Variants in HDGFL3 observed in about 807,000 individuals in gnomAD.
HDGFL3 encodes the protein HDGF like 3.
A neutral mutation model predicts 27.6 loss-of-function variants in HDGFL3; 6 were observed. The observed-to-expected ratio is 0.22, with a 90% CI of 0.12 to 0.43. HDGFL3 has a LOEUF of 0.43. Ranked by LOEUF, HDGFL3 falls within the 20% of genes least tolerant of loss-of-function variation. The pLI is 1.00. For synonymous variants in HDGFL3, 88 were observed against 88.9 expected, an observed-to-expected ratio of 0.99 and a Z score of 0.05; for missense variants, 207 against 250.1, an observed-to-expected ratio of 0.83 and a Z score of 1.16.
chr15:83,118,347 T>C (rs1476297134), intron 3 of HDGFL3, among the ~76,000 whole-genome samples: 1 of 151,924 alleles, frequency 6.6e-6, no homozygotes, highest in African/African-American at 2.4e-5. Flanking sequence ...TCAGGCGAGT[T>C]GAAAGGACCT....
chr15:83,201,096 G>A (rs1424351057), intron 1 of HDGFL3, among the ~76,000 whole-genome samples: 3 of 151,724 alleles, frequency 2.0e-5, no homozygotes, highest in African/African-American at 7.3e-5. Flanking sequence ...TACACCATAT[G>A]AGCAAATTAT....
chr15:83,158,552 G>C (rs919562222), intron 2 of HDGFL3, among the ~76,000 whole-genome samples: 1 of 152,158 alleles, frequency 6.6e-6, no homozygotes, highest in Non-Finnish European at 1.5e-5. Context: ...AATGGAAAAT[G>C]AACAATTCAT....
At chr15:83,123,121 G>C (rs760197083), downstream of HDGFL3, among the ~76,000 whole-genome samples, 23 of 152,240 alleles carry the variant, frequency 1.5e-4, 1 homozygote, top group Non-Finnish European at 4.4e-5. Context: ...TCCTGTGCCA[G>C]TGGTCACACT....
chr15:83,125,815 A>T (rs1255928840), downstream of HDGFL3, among the ~76,000 whole-genome samples: 1 of 152,214 alleles, frequency 6.6e-6, no homozygotes, highest in Non-Finnish European at 1.5e-5. Flanking sequence ...GGCTGGGTTC[A>T]GGGTGAGAAG....
chr15:83,122,848 G>A (rs139290119), downstream of HDGFL3: 2,111 of 1,613,844 alleles, frequency 1.3e-3, 1 homozygote, highest in Middle Eastern at 3.8e-3. Flanking sequence ...TCTATAATCA[G>A]CCATCAGAAA....
intron 5 of HDGFL3, 34 bp downstream of exon 5, chr15:83,151,181 T>C (rs749535570): frequency 3.8e-6 from 6 of 1,590,426 alleles, no homozygotes; most frequent in Non-Finnish European, 5.1e-6. Flanking sequence ...TGTCTTCTAA[T>C]AGAAGGTAAG....
chr15:83,206,067 G>A (rs1311469480), intron 1 of HDGFL3, among the ~76,000 whole-genome samples: 1 of 152,174 alleles, frequency 6.6e-6, no homozygotes, highest in Non-Finnish European at 1.5e-5. Flanking sequence ...GCCTGAACCA[G>A]ACACCAGGTC....
At chr15:83,197,622 T>A (rs538430314) in intron 1 of HDGFL3, among the ~76,000 whole-genome samples, 21 of 152,288 alleles carry the variant, frequency 1.4e-4, no homozygotes, top group African/African-American at 5.1e-4. Context: ...AAGCTCATCA[T>A]CTTCAGTCAT....
intron 1 of HDGFL3, among the ~76,000 whole-genome samples, chr15:83,177,815 C>T (rs1480255967): frequency 6.6e-6 from 1 of 152,086 alleles, no homozygotes; most frequent in African/African-American, 2.4e-5. Flanking sequence ...TGGTTTGCTA[C>T]AACAATTTCA....
At chr15:83,151,851 A>G (rs1392418075) in intron 4 of HDGFL3, among the ~76,000 whole-genome samples, 3 of 152,222 alleles carry the variant, frequency 2.0e-5, no homozygotes, top group Non-Finnish European at 4.4e-5. Context: ...CTAATGGGAT[A>G]CCCAGAATCA....
At chr15:83,205,397 C>A (rs961052788) in intron 1 of HDGFL3, among the ~76,000 whole-genome samples, 1 of 152,032 alleles carries the variant, frequency 6.6e-6, no homozygotes. Context: ...CTTTCTTGTA[C>A]CTATTTTATC....
chr15:83,177,701 A>G (rs2037330499), intron 1 of HDGFL3, among the ~76,000 whole-genome samples: 1 of 152,140 alleles, frequency 6.6e-6, no homozygotes, highest in Non-Finnish European at 1.5e-5. Flanking sequence ...GTGTGTGTGT[A>G]TCTGCTTTTA....
At chr15:83,200,031 C>T (rs528023031) in intron 1 of HDGFL3, among the ~76,000 whole-genome samples, 4 of 125,010 alleles carry the variant, frequency 3.2e-5, no homozygotes, top group East Asian at 2.3e-4. Context: ...GGCGACAAAG[C>T]GAAACTCCAT....
intron 3 of HDGFL3, among the ~76,000 whole-genome samples, chr15:83,121,436 T>C (rs2035234385): frequency 6.6e-6 from 1 of 152,160 alleles, no homozygotes; most frequent in Non-Finnish European, 1.5e-5. Flanking sequence ...AGCAGCTCCT[T>C]TGCAACATGG....
chr15:83,189,807 T>C (rs772440987), intron 1 of HDGFL3, among the ~76,000 whole-genome samples: 19 of 152,302 alleles, frequency 1.2e-4, no homozygotes, highest in South Asian at 6.2e-4. Flanking sequence ...ACACTGATAA[T>C]TGCAAAGGTA....
exon 4 of HDGFL3, chr15:83,113,615 C>T (rs578030084): frequency 2.6e-4 from 39 of 152,578 alleles, no homozygotes; most frequent in African/African-American, 8.9e-4. Context: ...CACCCCAAGT[C>T]CTACAGCAAC....
chr15:83,187,916 T>TTGCA (rs1299589992), intron 1 of HDGFL3, among the ~76,000 whole-genome samples: 3 of 149,164 alleles, frequency 2.0e-5, no homozygotes, highest in Non-Finnish European at 4.5e-5. Flanking sequence ...AAGGAAAAGG[T>TTGCA]TGCAGTAAAC....
intron 5 of HDGFL3, chr15:83,144,607 A>T (rs909358290): frequency 2.2e-6 from 1 of 447,130 alleles, no homozygotes; most frequent in Admixed American, 2.4e-5. Flanking sequence ...CTCATGAGGA[A>T]CTGAGGCCTC....
At chr15:83,158,147 T>C in intron 2 of HDGFL3, 106 bp from the exon 3 acceptor site, 1 of 932,230 alleles carries the variant, frequency 1.1e-6, no homozygotes, top group Non-Finnish European at 1.6e-6. Context: ...AGCAAACAAA[T>C]CTAAAGTACA....
Sources: gnomAD v4.1 joint callset for allele counts (sites outside exome capture counted in the v4.1 genomes callset) on GRCh38, gnomAD v4.1.1 for gene constraint, MANE v1.5 for transcripts, NCBI Gene and HGNC (gene_info 2026-07-23, HGNC 2026-07-21) for gene names.